The following BCL2L11 variants were observed in gnomAD, a reference collection of about 807,000 sequenced individuals.
The protein encoded by BCL2L11 is bcl-2-like protein 11.
Under a neutral mutation model 20.6 loss-of-function variants are expected in BCL2L11, and 15 were observed. That is an observed-to-expected ratio of 0.73 (90% confidence interval 0.49 to 1.12). The LOEUF is 1.12. Among genes scored for constraint, BCL2L11 ranks in the 50% most tolerant of loss-of-function variants. The probability of loss-of-function intolerance (pLI) is 0.00; values close to 1 mark genes in which losing one functional copy is unlikely to be tolerated. For synonymous variants in BCL2L11, 108 were observed against 92.8 expected (o/e 1.16, Z -0.94); for missense variants, 292 against 260.9 (o/e 1.12, Z -0.82).
chr2:111,146,638 C>G (rs1361808590), intron 2 of BCL2L11, among the ~76,000 whole-genome samples: 1 of 152,182 alleles, frequency 6.6e-6, no homozygotes, highest in Non-Finnish European at 1.5e-5. Context: ...GTGGGGCTTA[C>G]AGACCCCATT....
chr2:111,127,415 C>G (rs2072881450), intron 2 of BCL2L11, among the ~76,000 whole-genome samples: 1 of 143,284 alleles, frequency 7.0e-6, no homozygotes, highest in East Asian at 2.1e-4. Context: ...GAGTTAATGG[C>G]TTTCTTTTTT....
At chr2:111,128,690 A>G in intron 2 of BCL2L11, 1 of 1,548,320 alleles carries the variant, frequency 6.5e-7, no homozygotes, top group East Asian at 2.4e-5. Flanking sequence ...ACTGGCTTAG[A>G]TTTGTATGGC....
Position 111,145,930 on chromosome 2 carries a change from TTTTTTTTTTTG to T in BCL2L11, c.395-4112_395-4102del, listed in dbSNP as rs1276431055. 4.2e-6 allele frequency: 4 copies of T among 945,924 alleles called. No individual in the cohort carries two copies. In the East Asian group the frequency reaches 4.6e-4, roughly 109 times the overall value. The allele number at this position is 945,924 out of a possible 1,614,324, so 58.6% of individuals were successfully genotyped here. A position where few individuals can be genotyped will look rare whatever the true frequency, so the allele number is the denominator to read the frequency against. ...TTGATTAGTGGCTTTCTTTTTTTTTTTTTTTTTTTTGTAACAAGTAAAGAGAAAGAAAACAT... is the reference window on the plus strand; with the variant it reads ...TTGATTAGTGGCTTTCTTTTTTTTTTTAACAAGTAAAGAGAAAGAAAACAT... On this transcript the variant is annotated intron_variant, in intron 2 of 3. Coordinates refer to ENST00000393256, the MANE Select transcript of BCL2L11 (RefSeq NM_138621.5).
intron 2 of BCL2L11, among the ~76,000 whole-genome samples, chr2:111,134,489 A>G (rs955865080): frequency 6.6e-6 from 1 of 152,130 alleles, no homozygotes; most frequent in Non-Finnish European, 1.5e-5. Context: ...AATTGTCTGA[A>G]GTATTTCCTC....
intron 1 of BCL2L11, 30 bp downstream of exon 1, chr2:111,121,218 C>G (rs918274633): frequency 1.4e-5 from 3 of 214,626 alleles, no homozygotes; most frequent in Non-Finnish European, 2.8e-5. Context: ...GGGGCGCGGG[C>G]CTGGCACCGA....
chr2:111,144,991 A>G (rs2076315828), intron 2 of BCL2L11, among the ~76,000 whole-genome samples: 1 of 152,214 alleles, frequency 6.6e-6, no homozygotes, highest in Non-Finnish European at 1.5e-5. Context: ...TTATGTGTGT[A>G]AAATCCTCTC....
At position 111,144,300 on chromosome 2, in the gene BCL2L11, A is replaced by T. The variant is rs369139130; in HGVS notation, c.395-5744A>T. On this transcript the variant is annotated intron_variant, in intron 2 of 3. Transcript: ENST00000393256. ...TTGTTTTCATCCAGTGGCTCAGCGGAATTGATTGGGATTGCCAAAAAATAA... is the reference window on the plus strand; with the variant it reads ...TTGTTTTCATCCAGTGGCTCAGCGGTATTGATTGGGATTGCCAAAAAATAA... Among the ~76,000 whole-genome samples the T allele has an allele frequency of 3.3e-5, 5 of 152,266 alleles. 1 individual carries two copies. The highest frequency in any genetic ancestry group is 1.2e-4 in the African/African-American group (5 of 41,546).
rs758731588 is a variant in BCL2L11 at position 111,123,934 on chromosome 2, G to A, written c.189G>A (p.Pro63=). 10 of 1,613,876 alleles carry A rather than the reference G, an allele frequency of 6.2e-6. No individual in the cohort carries two copies. Among genetic ancestry groups the A allele is most frequent in the African/African-American group, 1.3e-5 (1 of 74,926 alleles). ...GCCCCCACGGCAGCCCTCAGGGCCC[G>A]CTGGCCCCACCTGCCAGCCCTGGCC... ...DSCPHGSPQG[P]LAPPASPGPF... The change falls in exon 2 of 4, where the codon CCG becomes CCA. Residue 63 remains proline, a synonymous_variant. Coordinates refer to ENST00000393256, the MANE Select transcript of BCL2L11 (RefSeq NM_138621.5).
At chr2:111,123,057 C>T (rs1368827442) in intron 1 of BCL2L11, 40 of 974,924 alleles carry the variant, frequency 4.1e-5, no homozygotes, top group Non-Finnish European at 4.6e-5. Context: ...CTCCGCCGCC[C>T]CCTCCCCATT....
chr2:111,161,103 C>G (rs1367622018), intron 3 of BCL2L11, among the ~76,000 whole-genome samples: 2 of 152,172 alleles, frequency 1.3e-5, no homozygotes, highest in African/African-American at 4.8e-5. Context: ...TACCAGAACA[C>G]CGTGGATTAG....
chr2:111,139,121 A>C (rs2075390935), intron 2 of BCL2L11, among the ~76,000 whole-genome samples: 1 of 152,206 alleles, frequency 6.6e-6, no homozygotes, highest in Admixed American at 6.5e-5. Flanking sequence ...CAAACAAGCA[A>C]GCAAAAAAGA....
intron 2 of BCL2L11, among the ~76,000 whole-genome samples, chr2:111,129,189 A>C (rs1437213417): frequency 6.6e-6 from 1 of 152,266 alleles, no homozygotes; most frequent in Admixed American, 6.5e-5. Flanking sequence ...GACTTCAAAA[A>C]GTAGATGGTA....
At chr2:111,153,948 G>A (rs1458121391) in intron 3 of BCL2L11, 8 of 1,466,148 alleles carry the variant, frequency 5.5e-6, no homozygotes, top group South Asian at 2.8e-5. Flanking sequence ...CTCTCCCGAT[G>A]CAGTGTCATT....
At chr2:111,146,010 A>G (rs1225238519) in intron 2 of BCL2L11, 2 of 982,424 alleles carry the variant, frequency 2.0e-6, no homozygotes, top group Non-Finnish European at 2.4e-6. Flanking sequence ...TGCTACTTGC[A>G]GGATTGGAGC....
intron 2 of BCL2L11, among the ~76,000 whole-genome samples, chr2:111,147,350 A>T (rs62163313): frequency 0.37 from 26,489 of 70,804 alleles, 2,563 homozygotes; most frequent in African/African-American, 0.42. Flanking sequence ...TCTCTCTCAC[A>T]CACACACACA....
chr2:111,124,249 C>T lies in BCL2L11; in HGVS notation c.394+110C>T, dbSNP rs369782744. ...TTAAAACCCCGTAACTGATTTATTC[C>T]ATCTTTAGATGGGAATGGAGGATGT... On this transcript the variant is annotated intron_variant, in intron 2 of 3. Transcript: ENST00000393256. 1.2e-4 allele frequency: 153 copies of T among 1,292,098 alleles called. No individual in the cohort carries two copies. The South Asian group carries it at 2.1e-3, about 18-fold the overall frequency. 80.0% of individuals were successfully genotyped at this position (1,292,098 alleles called of 1,614,324 possible). A position where few individuals can be genotyped will look rare whatever the true frequency, so the allele number is the denominator to read the frequency against.
intron 2 of BCL2L11, among the ~76,000 whole-genome samples, chr2:111,141,980 C>T (rs990248516): frequency 9.2e-5 from 14 of 152,124 alleles, no homozygotes; most frequent in East Asian, 3.9e-4. Flanking sequence ...GGATTACAGG[C>T]GTGAGCCACT....
intron 2 of BCL2L11, among the ~76,000 whole-genome samples, chr2:111,129,814 A>C (rs767372211): frequency 2.6e-5 from 4 of 152,226 alleles, no homozygotes; most frequent in Non-Finnish European, 5.9e-5. Flanking sequence ...CATCTGATCT[A>C]CATATCTGTA....
intron 2 of BCL2L11, chr2:111,142,251 C>CA: frequency 7.2e-7 from 1 of 1,397,606 alleles, no homozygotes; most frequent in South Asian, 1.2e-5. Context: ...TGTGACAAAA[C>CA]AAGTTATCTG....
Sources: allele counts gnomAD v4.1 joint callset (sites outside exome capture counted in the v4.1 genomes callset), GRCh38; gene constraint gnomAD v4.1.1; transcripts MANE v1.5; gene names NCBI Gene and HGNC (gene_info 2026-07-23, HGNC 2026-07-21).